MECOM: variants seen among roughly 807,000 people sequenced by gnomAD.
MECOM encodes MDS1 and EVI1 complex locus, also known as histone-lysine N-methyltransferase MECOM.
Under a neutral mutation model 116.3 loss-of-function variants are expected in MECOM, and 13 were observed. The ratio of observed to expected loss-of-function variants is 0.11; its 90% confidence interval spans 0.07 to 0.18. The LOEUF is 0.18. Ranked by LOEUF, MECOM falls within the 10% of genes least tolerant of loss-of-function variation. The pLI, the probability that MECOM is intolerant of heterozygous loss-of-function variation, is 1.00. For synonymous variants in MECOM, 528 were observed against 535.2 expected, an observed-to-expected ratio of 0.99 and a Z score of 0.19; for missense variants, 1,299 against 1,509.0, an observed-to-expected ratio of 0.86 and a Z score of 2.31.
intron 2 of MECOM, among the ~76,000 whole-genome samples, chr3:169,185,335 T>C (rs1269206791): frequency 6.6e-6 from 1 of 152,096 alleles, no homozygotes; most frequent in Non-Finnish European, 1.5e-5. Flanking sequence ...GAATGAACCG[T>C]GGTCTAGAAG....
chr3:169,245,925 C>A (rs969008301), intron 2 of MECOM, among the ~76,000 whole-genome samples: 1 of 152,188 alleles, frequency 6.6e-6, no homozygotes, highest in African/African-American at 2.4e-5. Flanking sequence ...TGTGGCACAG[C>A]CTCCTCCATC....
At chr3:169,330,600 C>T (rs1722561444) in intron 2 of MECOM, among the ~76,000 whole-genome samples, 1 of 152,062 alleles carries the variant, frequency 6.6e-6, no homozygotes, top group South Asian at 2.1e-4. Flanking sequence ...TCTCTTCCAA[C>T]ATCCGATTCT....
intron 2 of MECOM, among the ~76,000 whole-genome samples, chr3:169,327,787 G>A (rs977363322): frequency 6.6e-6 from 1 of 152,086 alleles, no homozygotes; most frequent in African/African-American, 2.4e-5. Context: ...TACTGAGGCA[G>A]TTCCTCTTTC....
chr3:169,242,129 G>A (rs1417576156), intron 2 of MECOM, among the ~76,000 whole-genome samples: 6 of 152,114 alleles, frequency 3.9e-5, no homozygotes, highest in Non-Finnish European at 8.8e-5. Context: ...TTTTAATGCC[G>A]TTTTACACAT....
At chr3:169,389,685 G>A in intron 1 of MECOM, 8 of 597,606 alleles carry the variant, frequency 1.3e-5, no homozygotes, top group Non-Finnish European at 1.7e-5. Context: ...TTACTCCTCA[G>A]GCAATCTGAA....
chr3:169,419,906 T>A (rs1739411348), intron 1 of MECOM, among the ~76,000 whole-genome samples: 1 of 151,950 alleles, frequency 6.6e-6, no homozygotes, highest in Non-Finnish European at 1.5e-5. Flanking sequence ...TTAAACAAAT[T>A]TACAAGAAGA....
intron 1 of MECOM, chr3:169,484,123 C>A: frequency 1.3e-6 from 1 of 778,208 alleles, no homozygotes; most frequent in Non-Finnish European, 2.1e-6. Flanking sequence ...CTCTAGTAAA[C>A]AAAAAGTGAT....
chr3:169,245,272 A>G (rs1577453614), intron 2 of MECOM, among the ~76,000 whole-genome samples: 2 of 152,202 alleles, frequency 1.3e-5, no homozygotes, highest in East Asian at 3.8e-4. Context: ...CAGAACAGCC[A>G]CGCTAGGGTT....
chr3:169,236,805 C>A (rs1256343951), intron 2 of MECOM, among the ~76,000 whole-genome samples: 3 of 152,184 alleles, frequency 2.0e-5, no homozygotes, highest in Admixed American at 6.5e-5. Context: ...AGGTTAAGAA[C>A]CTTTGACTTT....
chr3:169,475,027 C>A (rs1750120966), intron 1 of MECOM, among the ~76,000 whole-genome samples: 2 of 152,118 alleles, frequency 1.3e-5, no homozygotes, highest in African/African-American at 4.8e-5. Context: ...ATTCTTAAAG[C>A]CTGAACAACT....
At chr3:169,593,690 T>G (rs550288883) in intron 1 of MECOM, among the ~76,000 whole-genome samples, 13 of 152,082 alleles carry the variant, frequency 8.5e-5, no homozygotes, top group Non-Finnish European at 1.5e-4. Context: ...AAGCTGACAA[T>G]GAGAAAGATA....
Position 169,303,010 on chromosome 3 carries a change from AT to A in MECOM, c.375+78176del, listed in dbSNP as rs1717034301. On this transcript the variant is annotated intron_variant, in intron 2 of 16. Coordinates refer to ENST00000651503, the MANE Select transcript of MECOM (RefSeq NM_004991.4). ...GATTATTTTCACATCTTTAATATTTATTTGAAGAGAGATGACATATACTCAA... is the reference window on the plus strand; with the variant it reads ...GATTATTTTCACATCTTTAATATTTATTGAAGAGAGATGACATATACTCAA... Among the ~76,000 whole-genome samples, 3 of 152,220 alleles carry A rather than the reference AT, an allele frequency of 2.0e-5. No homozygotes were observed. In the South Asian group the frequency reaches 6.2e-4, roughly 32 times the overall value.
At chr3:169,264,308 T>C (rs189068348) in intron 2 of MECOM, among the ~76,000 whole-genome samples, 1 of 152,354 alleles carries the variant, frequency 6.6e-6, no homozygotes, top group African/African-American at 2.4e-5. Flanking sequence ...AGACAGATTC[T>C]ATACTTTCTT....
rs967175418 is a variant in MECOM at position 169,502,674 on chromosome 3, T to C, written c.38-121150A>G. ...AGATGATCATACAACACTTTTTAAA[T>C]ATAGAGCTTGGTTTTCCAATGGTAA... On this transcript the variant is annotated intron_variant, in intron 1 of 16. Coordinates refer to ENST00000651503, the MANE Select transcript of MECOM (RefSeq NM_004991.4). Among the ~76,000 whole-genome samples, 28 of 152,270 alleles carry C rather than the reference T, an allele frequency of 1.8e-4. 1 individual carries two copies. The Middle Eastern group carries it at 0.01, about 55-fold the overall frequency.
intron 2 of MECOM, among the ~76,000 whole-genome samples, chr3:169,254,661 C>G (rs562470859): frequency 5.9e-4 from 89 of 151,968 alleles, no homozygotes; most frequent in African/African-American, 2.1e-3. Flanking sequence ...AAGTTCTGTT[C>G]ATGACAAATG....
chr3:169,426,567 T>G (rs182063323), intron 1 of MECOM, among the ~76,000 whole-genome samples: 1 of 152,330 alleles, frequency 6.6e-6, no homozygotes, highest in Admixed American at 6.5e-5. Flanking sequence ...ACCTGAAAAG[T>G]GTTTTTCACC....
chr3:169,263,754 G>A (rs953518832), intron 2 of MECOM, among the ~76,000 whole-genome samples: 5 of 152,146 alleles, frequency 3.3e-5, no homozygotes, highest in Admixed American at 3.3e-4. Context: ...ACATAGTAAT[G>A]TCTTTCTTTT....
chr3:169,402,032 C>T (rs1407485725), intron 1 of MECOM, among the ~76,000 whole-genome samples: 1 of 152,094 alleles, frequency 6.6e-6, no homozygotes, highest in African/African-American at 2.4e-5. Flanking sequence ...CAGTCAGAGG[C>T]TGTTTCAGTA....
At chr3:169,280,060 T>A (rs1046181859) in intron 2 of MECOM, among the ~76,000 whole-genome samples, 2 of 152,176 alleles carry the variant, frequency 1.3e-5, no homozygotes, top group Non-Finnish European at 2.9e-5. Flanking sequence ...ATGGGCCAGC[T>A]AACATTATCA....
Sources: gnomAD v4.1 joint callset for allele counts (sites outside exome capture counted in the v4.1 genomes callset) on GRCh38, gnomAD v4.1.1 for gene constraint, MANE v1.5 for transcripts, NCBI Gene and HGNC (gene_info 2026-07-23, HGNC 2026-07-21) for gene names.